The following TSHZ1 variants were observed in gnomAD, a reference collection of about 807,000 sequenced individuals.
TSHZ1 encodes the protein teashirt zinc finger homeobox 1.
A neutral mutation model predicts 67.1 loss-of-function variants in TSHZ1; 12 were observed. That is an observed-to-expected ratio of 0.18 (90% CI 0.11 to 0.29). The LOEUF is 0.29. Among genes scored for constraint, TSHZ1 ranks in the 10% least tolerant of loss-of-function variants. The probability of loss-of-function intolerance (pLI) is 1.00; values close to 1 mark genes in which losing one functional copy is unlikely to be tolerated. For synonymous variants in TSHZ1, 632 were observed against 622.4 expected, an observed-to-expected ratio of 1.02 and a Z score of -0.23; for missense variants, 1,305 against 1,413.9, an observed-to-expected ratio of 0.92 and a Z score of 1.23.
At chr18:75,260,023 T>C (rs1262169448) in intron 1 of TSHZ1, among the ~76,000 whole-genome samples, 1 of 152,180 alleles carries the variant, frequency 6.6e-6, no homozygotes, top group African/African-American at 2.4e-5. Context: ...CTTTCAGGTC[T>C]CAAGTCAGCT....
intron 1 of TSHZ1, among the ~76,000 whole-genome samples, chr18:75,266,443 G>A (rs2023491646): frequency 6.6e-6 from 1 of 152,174 alleles, no homozygotes; most frequent in Non-Finnish European, 1.5e-5. Flanking sequence ...CAGGAGATTC[G>A]AGGAGGGGTG....
intron 1 of TSHZ1, among the ~76,000 whole-genome samples, chr18:75,234,963 A>C (rs2023048483): frequency 1.3e-5 from 2 of 152,190 alleles, no homozygotes; most frequent in African/African-American, 2.4e-5. Context: ...GTATTGAAAA[A>C]CTGCTTTTGA....
At chr18:75,230,110 G>T (rs1016461396) in intron 1 of TSHZ1, among the ~76,000 whole-genome samples, 1 of 152,200 alleles carries the variant, frequency 6.6e-6, no homozygotes, top group Non-Finnish European at 1.5e-5. Context: ...CTACAAACAG[G>T]AAGTAGTTTA....
chr18:75,286,595 T>C lies in TSHZ1; in HGVS notation c.1188T>C (p.Tyr396=), dbSNP rs2122622526. The C allele has an allele frequency of 6.2e-7, 1 of 1,614,202 alleles. No individual in the cohort carries two copies. The highest frequency in any genetic ancestry group is 8.5e-7 in the Non-Finnish European group (1 of 1,180,040). The part of the protein sequence containing the change: ...ANPYVTPNNR[Y]GYQNGASYTW... ...CGTACGTCACGCCCAATAACCGCTA[T>C]GGCTACCAGAATGGCGCCAGCTACA... Residue 396 remains tyrosine (Y), a synonymous_variant, in exon 2 of 2, where the codon TAT becomes TAC. Transcript: ENST00000580243. The surrounding 1 kb of genome is among the most constrained non-coding windows in gnomAD (Gnocchi z 5.1).
intron 1 of TSHZ1, among the ~76,000 whole-genome samples, chr18:75,226,056 A>G (rs888228005): frequency 6.6e-6 from 1 of 152,256 alleles, no homozygotes; most frequent in Non-Finnish European, 1.5e-5. Flanking sequence ...GATGCAACTC[A>G]GTAGGTGTGG....
At chr18:75,223,319 T>A (rs1385497458) in intron 1 of TSHZ1, among the ~76,000 whole-genome samples, 1 of 152,164 alleles carries the variant, frequency 6.6e-6, no homozygotes, top group Admixed American at 6.5e-5. Flanking sequence ...ATAGGGAAGA[T>A]TTTTTTAGTT....
At chr18:75,214,325 T>C in intron 1 of TSHZ1, among the ~76,000 whole-genome samples, 1 of 152,246 alleles carries the variant, frequency 6.6e-6, no homozygotes, top group Admixed American at 6.5e-5. Flanking sequence ...CCTGATTTCC[T>C]TCATCTTAAG....
intron 1 of TSHZ1, among the ~76,000 whole-genome samples, chr18:75,243,000 G>A (rs1188345056): frequency 6.6e-6 from 1 of 152,192 alleles, no homozygotes; most frequent in Non-Finnish European, 1.5e-5. Context: ...TGGGGGTGCT[G>A]TGGTCATGCA....
Position 75,287,344 on chromosome 18 carries a change from T to A in TSHZ1, c.1937T>A (p.Val646Asp). 1 of 1,613,942 alleles carries A rather than the reference T, an allele frequency of 6.2e-7. No individual in the cohort carries two copies. Among genetic ancestry groups the A allele is most frequent in the Admixed American group, 1.7e-5 (1 of 60,012 alleles). Residue 646 changes from valine to aspartate, a missense_variant, in exon 2 of 2, where the codon GTC (valine) becomes GAC (aspartate). By Grantham distance (152) the Val-to-Asp change is radical. Coordinates refer to ENST00000580243, the MANE Select transcript of TSHZ1 (RefSeq NM_001308210.2). This position sits in a 1 kb window ranked among gnomAD's most constrained non-coding sequence, Gnocchi z 5.0. The part of the protein sequence containing the change: ...VSAMEELVEK[V>D]TGKVNIKKEE... Reference sequence around the variant, plus strand: ...GCCATGGAGGAGCTGGTGGAGAAGGTCACGGGCAAGGTCAACATCAAGAAG... The same window carrying A: ...GCCATGGAGGAGCTGGTGGAGAAGGACACGGGCAAGGTCAACATCAAGAAG...
chr18:75,244,337 G>A (rs1194978089), intron 1 of TSHZ1, among the ~76,000 whole-genome samples: 1 of 152,056 alleles, frequency 6.6e-6, no homozygotes. Context: ...GATGGTTTCC[G>A]GTTCATTCTT....
chr18:75,276,414 C>T (rs1421673281), intron 1 of TSHZ1, among the ~76,000 whole-genome samples: 7 of 151,976 alleles, frequency 4.6e-5, no homozygotes, highest in African/African-American at 1.7e-4. Context: ...GTATTTTTAC[C>T]TTCTTTCCTG....
intron 1 of TSHZ1, among the ~76,000 whole-genome samples, chr18:75,213,175 G>A (rs1287848871): frequency 6.6e-6 from 1 of 152,200 alleles, no homozygotes; most frequent in Non-Finnish European, 1.5e-5. Context: ...TTTGGGAATA[G>A]TATCTACGTT....
rs1169591164 is a variant in TSHZ1, at chr18:75,281,527, C to G, written c.41-3921C>G. ...GGCCCTGAAAGCACCATGGGGGTGG[C>G]ATGACAGGCGTCCTCCCTGATGGGC... On this transcript the variant is annotated intron_variant, in intron 1 of 1. Transcript: ENST00000580243. The surrounding 1 kb of genome is among the most constrained non-coding windows in gnomAD (Gnocchi z 5.3). Among the ~76,000 whole-genome samples the G allele has an allele frequency of 3.3e-5, 5 of 152,082 alleles. No homozygotes were observed. Among genetic ancestry groups the G allele is most frequent in the Admixed American group, 3.3e-4 (5 of 15,276 alleles).
At chr18:75,215,696 G>C (rs984661549) in intron 1 of TSHZ1, among the ~76,000 whole-genome samples, 4 of 152,150 alleles carry the variant, frequency 2.6e-5, no homozygotes, top group Admixed American at 2.6e-4. Flanking sequence ...AGATTTCAGA[G>C]GTAAACTGCT....
At chr18:75,270,428 G>T (rs1379638316) in intron 1 of TSHZ1, among the ~76,000 whole-genome samples, 1 of 152,212 alleles carries the variant, frequency 6.6e-6, no homozygotes, top group Non-Finnish European at 1.5e-5. Flanking sequence ...AACGCTGGTT[G>T]AGCAGATATT....
chr18:75,213,215 A>G (rs1446054850), intron 1 of TSHZ1, among the ~76,000 whole-genome samples: 2 of 152,252 alleles, frequency 1.3e-5, no homozygotes, highest in East Asian at 3.8e-4. Flanking sequence ...TAACCTCATC[A>G]TTTCCATTAG....
In TSHZ1 at chr18:75,285,453, G is replaced by A. The variant is rs771718119; in HGVS notation, c.46G>A (p.Val16Ile). Residue 16 changes from valine (V) to isoleucine (I), a missense_variant, in exon 2 of 2, where the codon GTT (valine) becomes ATT (isoleucine). Val to Ile is a conservative substitution (Grantham distance 29). Transcript: ENST00000580243. ...QQAPRRSAAY[V>I]PEEELKAAEI... is the part of the protein sequence containing the mutation. Reference sequence around the variant, plus strand: ...GTTTCATTTTTCTCTCCTAGCTTATGTTCCTGAGGAAGAATTGAAGGCAGC... The same window carrying A: ...GTTTCATTTTTCTCTCCTAGCTTATATTCCTGAGGAAGAATTGAAGGCAGC... The A allele has an allele frequency of 2.0e-6, 3 of 1,480,098 alleles. No homozygotes were observed. Among genetic ancestry groups the A allele is most frequent in the Non-Finnish European group, 2.7e-6 (3 of 1,114,786 alleles). The allele number at this position is 1,480,098 out of a possible 1,614,324, so 91.7% of individuals were successfully genotyped here. A position where few individuals can be genotyped will look rare whatever the true frequency, so the allele number is the denominator to read the frequency against.
chr18:75,235,736 A>C (rs1169042378), intron 1 of TSHZ1, among the ~76,000 whole-genome samples: 1 of 152,216 alleles, frequency 6.6e-6, no homozygotes, highest in Non-Finnish European at 1.5e-5. Context: ...CAATGAAATA[A>C]ATGTTATCAG....
chr18:75,255,775 C>T (rs2023355355), intron 1 of TSHZ1, among the ~76,000 whole-genome samples: 1 of 152,138 alleles, frequency 6.6e-6, no homozygotes, highest in South Asian at 2.1e-4. Flanking sequence ...GCTGCAGTTA[C>T]AAAAACAAAA....
Sources: allele counts gnomAD v4.1 joint callset (sites outside exome capture counted in the v4.1 genomes callset), GRCh38; gene constraint gnomAD v4.1.1; non-coding constraint Gnocchi (gnomAD v3.1); transcripts MANE v1.5; gene names NCBI Gene and HGNC (gene_info 2026-07-23, HGNC 2026-07-21).